PCDH9: variants seen among roughly 807,000 people sequenced by gnomAD.
The protein encoded by PCDH9 is protocadherin 9, also known as protocadherin-9.
Under a neutral mutation model 70.6 loss-of-function variants are expected in PCDH9, and 24 were observed. The ratio of observed to expected loss-of-function variants is 0.34; its 90% confidence interval spans 0.25 to 0.48. PCDH9 has a LOEUF of 0.48. Ranked by LOEUF, PCDH9 falls within the 20% of genes least tolerant of loss-of-function variation. The pLI, the probability that PCDH9 is intolerant of heterozygous loss-of-function variation, is 0.99. For synonymous variants in PCDH9, 562 were observed against 558.5 expected, an observed-to-expected ratio of 1.01 and a Z score of -0.09; for missense variants, 1,281 against 1,503.6, an observed-to-expected ratio of 0.85 and a Z score of 2.45.
At chr13:66,785,669 A>G (rs975273238) in intron 3 of PCDH9, among the ~76,000 whole-genome samples, 1 of 152,070 alleles carries the variant, frequency 6.6e-6, no homozygotes, top group African/African-American at 2.4e-5. Flanking sequence ...TCTTTTGGCT[A>G]TACTTCCTTT....
At chr13:67,177,654 GTC>G (rs2088500815) in intron 2 of PCDH9, among the ~76,000 whole-genome samples, 2 of 152,008 alleles carry the variant, frequency 1.3e-5, no homozygotes, top group South Asian at 4.1e-4. Context: ...CTATGTTGTT[GTC>G]TCTCTCCATT....
chr13:66,925,549 G>A (rs1306442493), intron 2 of PCDH9, among the ~76,000 whole-genome samples: 13 of 151,758 alleles, frequency 8.6e-5, no homozygotes, highest in Non-Finnish European at 1.0e-4. Context: ...CTTAGTTCAA[G>A]GCTGACATAT....
chr13:67,079,675 T>C (rs959267381), intron 2 of PCDH9, among the ~76,000 whole-genome samples: 1 of 152,168 alleles, frequency 6.6e-6, no homozygotes, highest in African/African-American at 2.4e-5. Context: ...ATCAGATTAA[T>C]CTTCCATTAA....
intron 3 of PCDH9, among the ~76,000 whole-genome samples, chr13:66,645,127 T>A (rs1032983662): frequency 3.3e-5 from 5 of 152,124 alleles, no homozygotes; most frequent in African/African-American, 9.7e-5. Flanking sequence ...TTCATAAATA[T>A]GAAAATCTAG....
At chr13:66,652,546 C>T (rs9540857) in intron 3 of PCDH9, among the ~76,000 whole-genome samples, 128,369 of 151,810 alleles carry the variant, frequency 0.85, 54,994 homozygotes, top group Admixed American at 0.92. Context: ...TTAAAATGTA[C>T]ATACTACCTA....
intron 2 of PCDH9, among the ~76,000 whole-genome samples, chr13:67,012,118 A>G (rs919179562): frequency 2.6e-5 from 4 of 151,694 alleles, no homozygotes; most frequent in African/African-American, 7.2e-5. Flanking sequence ...TTCTTTGGCA[A>G]ATCTGAAATC....
intron 2 of PCDH9, among the ~76,000 whole-genome samples, chr13:67,189,235 TCACA>T (rs1028869592): frequency 1.8e-4 from 28 of 152,056 alleles, no homozygotes; most frequent in Non-Finnish European, 3.4e-4. Context: ...TGTATCTCTC[TCACA>T]ATTTCTTTGT....
intron 4 of PCDH9, among the ~76,000 whole-genome samples, chr13:66,349,211 G>A (rs1354500021): frequency 6.6e-6 from 1 of 152,080 alleles, no homozygotes; most frequent in Non-Finnish European, 1.5e-5. Context: ...GAGGGAGGAT[G>A]GCACATACTA....
At chr13:66,605,576 C>T (rs1429393102) in intron 4 of PCDH9, among the ~76,000 whole-genome samples, 1 of 152,182 alleles carries the variant, frequency 6.6e-6, no homozygotes, top group Non-Finnish European at 1.5e-5. Context: ...TACTTGGCTA[C>T]TGCTGTCTGT....
At chr13:66,405,327 G>T (rs576157104) in intron 4 of PCDH9, among the ~76,000 whole-genome samples, 2 of 152,214 alleles carry the variant, frequency 1.3e-5, no homozygotes, top group South Asian at 2.1e-4. Flanking sequence ...ATAACTGGTG[G>T]TTGCTGTGAT....
intron 4 of PCDH9, among the ~76,000 whole-genome samples, chr13:66,475,666 G>A (rs1035928796): frequency 2.6e-5 from 4 of 151,894 alleles, no homozygotes; most frequent in African/African-American, 7.3e-5. Flanking sequence ...TATTTGATAC[G>A]AATTCTATTT....
rs533277103 is a variant in PCDH9, at chr13:67,051,478, C to T, written c.3037-147873G>A. ...TGTGATCTCGGCTCACTGCAACCTC[C>T]GCCTCCCGGGTTCAAGTGATTCTCC... On this transcript the variant is annotated intron_variant, in intron 2 of 4. Transcript: ENST00000377865. Among the ~76,000 whole-genome samples, 5 of 145,284 alleles carry T rather than the reference C, an allele frequency of 3.4e-5. No individual in the cohort carries two copies. The East Asian group carries it at 6.1e-4, about 18-fold the overall frequency.
At chr13:66,918,073 A>G (rs1033231674) in intron 2 of PCDH9, among the ~76,000 whole-genome samples, 8 of 151,340 alleles carry the variant, frequency 5.3e-5, no homozygotes, top group African/African-American at 1.9e-4. Flanking sequence ...GAGGAAATGA[A>G]GAGGGTCTCA....
chr13:66,504,423 G>C (rs1357139729), intron 4 of PCDH9, among the ~76,000 whole-genome samples: 2 of 152,108 alleles, frequency 1.3e-5, no homozygotes, highest in African/African-American at 4.8e-5. Context: ...TTGTATAAGT[G>C]AGGTCATCAT....
chr13:66,455,849 A>T (rs1473834724), intron 4 of PCDH9, among the ~76,000 whole-genome samples: 1 of 152,168 alleles, frequency 6.6e-6, no homozygotes, highest in Non-Finnish European at 1.5e-5. Context: ...AATTTTATAT[A>T]CTAAAGAAAG....
chr13:67,014,889 T>C (rs1453545264), intron 2 of PCDH9, among the ~76,000 whole-genome samples: 1 of 152,102 alleles, frequency 6.6e-6, no homozygotes, highest in African/African-American at 2.4e-5. Context: ...ACTCCTTTTC[T>C]TAGTTACCAA....
chr13:66,701,917 GT>G (rs1210619153), intron 3 of PCDH9, among the ~76,000 whole-genome samples: 2 of 152,090 alleles, frequency 1.3e-5, no homozygotes, highest in Non-Finnish European at 2.9e-5. Context: ...CTTTGTTCAG[GT>G]GGAAGAGTGA....
At chr13:67,038,486 G>A (rs990371758) in intron 2 of PCDH9, among the ~76,000 whole-genome samples, 1 of 152,110 alleles carries the variant, frequency 6.6e-6, no homozygotes, top group African/African-American at 2.4e-5. Context: ...CTGGTATGAT[G>A]TTTACAGTAT....
chr13:66,625,599 T>A (rs1255007758), intron 4 of PCDH9, among the ~76,000 whole-genome samples: 1 of 152,182 alleles, frequency 6.6e-6, no homozygotes, highest in African/African-American at 2.4e-5. Flanking sequence ...GTTGGGTTTT[T>A]TTTTCATATA....
Sources: allele counts gnomAD v4.1 joint callset (sites outside exome capture counted in the v4.1 genomes callset), GRCh38; gene constraint gnomAD v4.1.1; transcripts MANE v1.5; gene names NCBI Gene and HGNC (gene_info 2026-07-23, HGNC 2026-07-21).